LARGE1: variants seen among roughly 807,000 people sequenced by gnomAD.
The protein encoded by LARGE1 is LARGE xylosyl- and glucuronyltransferase 1, also known as xylosyl- and glucuronyltransferase LARGE1.
Under a neutral mutation model 87.6 loss-of-function variants are expected in LARGE1, and 43 were observed. That is an observed-to-expected ratio of 0.49 (90% CI 0.38 to 0.63). The LOEUF (loss-of-function observed/expected upper bound fraction) is 0.63, where lower values mean the gene tolerates loss of function less well. Ranked by LOEUF, LARGE1 falls within the 30% of genes least tolerant of loss-of-function variation. The pLI, the probability that LARGE1 is intolerant of heterozygous loss-of-function variation, is 0.00. For synonymous variants in LARGE1, 434 were observed against 394.6 expected (o/e 1.10, Z -1.18); for missense variants, 802 against 1,000.2 (o/e 0.80, Z 2.67).
In LARGE1 at chr22:33,305,844, C is replaced by CTTTT. The variant is rs111657762; in HGVS notation, c.1452-1341_1452-1338dup. Among the ~76,000 whole-genome samples, 994 of 136,876 alleles carry CTTTT rather than the reference C, an allele frequency of 7.3e-3. 16 individuals are homozygous for CTTTT. The highest frequency in any genetic ancestry group is 0.027 in the African/African-American group (931 of 34,902). The allele number at this position is 136,876 out of a possible 152,430, so 89.8% of individuals were successfully genotyped here. ...ACCAGAAACATTTCTTTTTCTTTTT[C>CTTTT]TTTTTTTTTTTTTTGAGGCGGAGTC... On this transcript the variant is annotated intron_variant, in intron 11 of 14. Coordinates refer to ENST00000397394, the MANE Select transcript of LARGE1 (RefSeq NM_133642.5).
At chr22:33,817,261 A>G (rs750159873) in intron 1 of LARGE1, among the ~76,000 whole-genome samples, 17 of 152,134 alleles carry the variant, frequency 1.1e-4, no homozygotes, top group African/African-American at 1.7e-4. Context: ...TCAAAGTCAA[A>G]TATCAGTAGA....
the LARGE1 span, among the ~76,000 whole-genome samples, chr22:33,130,115 C>A: frequency 5.9e-5 from 9 of 151,748 alleles, no homozygotes; most frequent in African/African-American, 1.5e-4. Flanking sequence ...GAGATCGAGA[C>A]CATACTGGCT....
intron 1 of LARGE1, among the ~76,000 whole-genome samples, chr22:33,894,133 C>T (rs1488910456): frequency 6.6e-6 from 1 of 151,950 alleles, no homozygotes; most frequent in Non-Finnish European, 1.5e-5. Context: ...AGAGGTTGTG[C>T]TGTTGGTCCA....
intron 1 of LARGE1, among the ~76,000 whole-genome samples, chr22:33,848,433 C>T (rs773714038): frequency 3.3e-5 from 5 of 152,138 alleles, no homozygotes; most frequent in Admixed American, 6.5e-5. Flanking sequence ...TTTCTCTCTC[C>T]ACCCCCAGCC....
At chr22:33,423,753 A>G (rs1331824380) in intron 7 of LARGE1, among the ~76,000 whole-genome samples, 1 of 152,052 alleles carries the variant, frequency 6.6e-6, no homozygotes, top group East Asian at 1.9e-4. Context: ...TTCCAGGATT[A>G]TAAAAGAGGC....
In LARGE1 at chr22:33,401,044, G is replaced by A. The variant is rs532111041; in HGVS notation, c.893-16740C>T. Among the ~76,000 whole-genome samples the A allele has an allele frequency of 2.7e-3, 414 of 152,240 alleles. 3 individuals carry two copies. The highest frequency in any genetic ancestry group is 9.5e-3 in the African/African-American group (394 of 41,552). On this transcript the variant is annotated intron_variant, in intron 7 of 14. Transcript: ENST00000397394. ...TTTGGCAACAGCTTGGAGGGTGGGA[G>A]GAAAGAGAGTGTGTTTCTCCCTCGC...
chr22:33,323,873 T>C (rs1473735388), intron 10 of LARGE1, among the ~76,000 whole-genome samples: 2 of 152,198 alleles, frequency 1.3e-5, no homozygotes, highest in East Asian at 1.9e-4. Flanking sequence ...AATTCTAATT[T>C]AGGCTCGCTT....
chr22:33,299,759 T>C (rs1450486158), intron 12 of LARGE1, among the ~76,000 whole-genome samples: 3 of 152,232 alleles, frequency 2.0e-5, no homozygotes, highest in Non-Finnish European at 4.4e-5. Flanking sequence ...TGATTAGTGT[T>C]GTGGAACCTG....
Position 33,773,830 on chromosome 22 carries a change from G to A in LARGE1, c.-82-12272C>T, listed in dbSNP as rs535437602. ...AGAGATCAAATGAAATCCAAAATACGATTATCAAACAACAATATGAGATGC... is the reference window on the plus strand; with the variant it reads ...AGAGATCAAATGAAATCCAAAATACAATTATCAAACAACAATATGAGATGC... On this transcript the variant is annotated intron_variant, in intron 1 of 14. Coordinates refer to ENST00000397394, the MANE Select transcript of LARGE1 (RefSeq NM_133642.5). Among the ~76,000 whole-genome samples the A allele has an allele frequency of 1.2e-4, 16 of 133,472 alleles. No individual in the cohort carries two copies. In the South Asian group the frequency reaches 2.8e-3, roughly 24 times the overall value. The allele number at this position is 133,472 out of a possible 152,430, so 87.6% of individuals were successfully genotyped here. A position where few individuals can be genotyped will look rare whatever the true frequency, so the allele number is the denominator to read the frequency against.
chr22:33,545,837 G>A (rs1229701563), intron 6 of LARGE1, among the ~76,000 whole-genome samples: 4 of 152,164 alleles, frequency 2.6e-5, no homozygotes, highest in African/African-American at 9.7e-5. Context: ...ACCAGCCTTG[G>A]CCTCCCGACG....
intron 2 of LARGE1, among the ~76,000 whole-genome samples, chr22:33,652,403 A>G (rs1023199143): frequency 6.6e-6 from 1 of 152,056 alleles, no homozygotes; most frequent in African/African-American, 2.4e-5. Flanking sequence ...CCATCTCCCA[A>G]GGATACTTAT....
intron 7 of LARGE1, among the ~76,000 whole-genome samples, chr22:33,406,238 A>T (rs1340210653): frequency 1.3e-5 from 2 of 151,874 alleles, no homozygotes; most frequent in Admixed American, 1.3e-4. Flanking sequence ...GTATACCCAG[A>T]CTTGCCTGGC....
At chr22:33,349,855 G>T (rs1940188888) in intron 9 of LARGE1, among the ~76,000 whole-genome samples, 1 of 151,962 alleles carries the variant, frequency 6.6e-6, no homozygotes, top group Non-Finnish European at 1.5e-5. Context: ...AGCCAAAAAA[G>T]AAAAGAAAAA....
chr22:33,919,618 A>AGGT (rs2065885391), intron 1 of LARGE1, among the ~76,000 whole-genome samples: 1 of 152,248 alleles, frequency 6.6e-6, no homozygotes, highest in Non-Finnish European at 1.5e-5. Flanking sequence ...GTAGTTGCGT[A>AGGT]CCGCCCAACA....
At chr22:33,668,361 T>C (rs1391489836) in intron 2 of LARGE1, among the ~76,000 whole-genome samples, 1 of 152,174 alleles carries the variant, frequency 6.6e-6, no homozygotes, top group Non-Finnish European at 1.5e-5. Flanking sequence ...TCAGTGGAGA[T>C]GAGTTAAGGA....
chr22:33,674,614 C>T (rs1337920046), intron 2 of LARGE1, among the ~76,000 whole-genome samples: 3 of 152,208 alleles, frequency 2.0e-5, no homozygotes, highest in African/African-American at 7.2e-5. Context: ...ACTGTCTCAT[C>T]CATCTCTCCC....
At chr22:33,895,771 A>G (rs1311837815) in intron 1 of LARGE1, among the ~76,000 whole-genome samples, 1 of 152,204 alleles carries the variant, frequency 6.6e-6, no homozygotes, top group East Asian at 1.9e-4. Flanking sequence ...CAGAAGTGAC[A>G]TCCTTCGCCT....
intron 6 of LARGE1, among the ~76,000 whole-genome samples, chr22:33,496,775 C>T (rs1387067187): frequency 1.3e-5 from 2 of 152,214 alleles, no homozygotes; most frequent in Non-Finnish European, 2.9e-5. Context: ...CATTCCACCT[C>T]TTTTATCCCA....
chr22:33,337,898 T>A, intron 9 of LARGE1, 97 bp from the exon 10 acceptor site: 1 of 1,314,544 alleles, frequency 7.6e-7, no homozygotes, highest in Non-Finnish European at 1.1e-6. Flanking sequence ...GGCTAAGCAT[T>A]ATTTGAGGGT....
Sources: gnomAD v4.1 joint callset for allele counts (sites outside exome capture counted in the v4.1 genomes callset) on GRCh38, gnomAD v4.1.1 for gene constraint, MANE v1.5 for transcripts, NCBI Gene and HGNC (gene_info 2026-07-23, HGNC 2026-07-21) for gene names.